MTHFD1L: variants seen among roughly 807,000 people sequenced by gnomAD.
MTHFD1L encodes the protein methylenetetrahydrofolate dehydrogenase (NADP+ dependent) 1 like.
MTHFD1L carries 81 observed loss-of-function variants against 119.5 expected under a neutral mutation model. The observed-to-expected ratio is 0.68, with a 90% CI of 0.57 to 0.82. MTHFD1L has a LOEUF of 0.82. MTHFD1L is among the 40% of genes least tolerant of loss of function. The pLI is 0.00. For missense variants in MTHFD1L, 1,125 were observed against 1,253.4 expected (o/e 0.90, Z 1.55); for synonymous variants, 430 against 475.2 (o/e 0.90, Z 1.24).
At position 150,865,920 on chromosome 6, in the gene MTHFD1L, G is replaced by A. The variant is rs1267504468; in HGVS notation, c.98G>A (p.Ser33Asn). Residue 33 changes from serine to asparagine, a missense_variant, in exon 1 of 28, where the codon AGC (serine) becomes AAC (asparagine). Physicochemically the swap from Ser to Asn is conservative, Grantham distance 46. This residue lies in a region of MTHFD1L where 1,058 missense variants were observed against 1,151.2 expected (regional missense o/e 0.92). Transcript: ENST00000367321. ...CTCCGTGTGCCCTGTCGCGCTAGCA[G>A]CGGCGGCGGCGGAGGCGGCGGCGGT... is the stretch of plus-strand genomic sequence containing the variant. ...RRLRVPCRAS[S>N]GGGGGGGGGR... is the part of the protein sequence containing the mutation. The A allele has an allele frequency of 3.3e-6, 4 of 1,197,832 alleles. No homozygotes were observed. The highest frequency in any genetic ancestry group is 4.1e-6 in the Non-Finnish European group (4 of 968,454). The allele number at this position is 1,197,832 out of a possible 1,614,324, so 74.2% of individuals were successfully genotyped here.
At chr6:150,985,678 A>AAAAG (rs1375522909) in intron 20 of MTHFD1L, among the ~76,000 whole-genome samples, 5 of 151,138 alleles carry the variant, frequency 3.3e-5, no homozygotes, top group East Asian at 3.9e-4. Flanking sequence ...AAAAAAAAAA[A>AAAAG]AAAGAAAGAA....
intron 26 of MTHFD1L, among the ~76,000 whole-genome samples, chr6:151,091,060 TGC>T (rs1794367715): frequency 1.4e-5 from 2 of 145,938 alleles, no homozygotes; most frequent in Admixed American, 6.8e-5. Flanking sequence ...TGCGACTGGG[TGC>T]AGCATCGTTC....
At chr6:150,967,275 C>T (rs960040964) in intron 19 of MTHFD1L, among the ~76,000 whole-genome samples, 1 of 152,206 alleles carries the variant, frequency 6.6e-6, no homozygotes, top group Admixed American at 6.5e-5. Flanking sequence ...CAGAGAAGCT[C>T]AGCAGAGTTT....
intron 11 of MTHFD1L, among the ~76,000 whole-genome samples, chr6:150,928,049 G>A (rs1236685636): frequency 6.6e-6 from 1 of 152,106 alleles, no homozygotes; most frequent in Non-Finnish European, 1.5e-5. Flanking sequence ...ACAACCTTGG[G>A]CATGTGGATT....
At chr6:151,011,581 C>A (rs150789532) in intron 21 of MTHFD1L, among the ~76,000 whole-genome samples, 2 of 152,302 alleles carry the variant, frequency 1.3e-5, no homozygotes, top group Non-Finnish European at 2.9e-5. Context: ...TGTAAAAATT[C>A]TCTACATGGT....
rs1780398331 is a variant in MTHFD1L, at chr6:150,876,128, T to C, written c.266T>C (p.Leu89Ser). 1 of 1,606,204 alleles carries C rather than the reference T, an allele frequency of 6.2e-7. No homozygotes were observed. The change falls in exon 2 of 28, where the codon TTG (leucine) becomes TCG (serine). Residue 89 changes from leucine to serine, a missense_variant. By Grantham distance (145) the Leu-to-Ser change is moderately radical. This residue lies in a region of MTHFD1L where 1,058 missense variants were observed against 1,151.2 expected (regional missense o/e 0.92). Coordinates refer to ENST00000367321, the MANE Select transcript of MTHFD1L (RefSeq NM_015440.5). ...IQNSKEVLSL[L>S]QEKNPAFKPV... is the part of the protein sequence containing the mutation. ...AATTCAAAAGAAGTTCTAAGTTTAT[T>C]GCAAGAAAAAAACCCTGCCTTCAAG...
intron 24 of MTHFD1L, among the ~76,000 whole-genome samples, chr6:151,024,468 G>A (rs563784955): frequency 8.3e-4 from 127 of 152,184 alleles, no homozygotes; most frequent in Non-Finnish European, 1.6e-3. Context: ...GCTTGAGCTT[G>A]GGAGGCAGAG....
intron 20 of MTHFD1L, among the ~76,000 whole-genome samples, chr6:150,988,933 T>C (rs1029972851): frequency 1.3e-5 from 2 of 151,938 alleles, no homozygotes; most frequent in African/African-American, 4.8e-5. Flanking sequence ...AGAGATGGGG[T>C]TTCTCCATGT....
At chr6:150,944,959 T>G (rs186739086) in intron 14 of MTHFD1L, among the ~76,000 whole-genome samples, 2 of 152,364 alleles carry the variant, frequency 1.3e-5, no homozygotes, top group Non-Finnish European at 2.9e-5. Context: ...TTAAGACTAA[T>G]GTTATGTGGA....
intron 1 of MTHFD1L, among the ~76,000 whole-genome samples, chr6:150,870,015 C>T (rs372348809): frequency 1.3e-5 from 2 of 152,192 alleles, no homozygotes; most frequent in African/African-American, 4.8e-5. Context: ...AATGATCCAC[C>T]CGCCTTGGCC....
intron 25 of MTHFD1L, among the ~76,000 whole-genome samples, chr6:151,035,314 T>G (rs1296024462): frequency 6.6e-6 from 1 of 152,118 alleles, no homozygotes; most frequent in African/African-American, 2.4e-5. Flanking sequence ...TTTGGTGTAG[T>G]CGGATAGATA....
At chr6:150,942,049 A>G (rs1455073508) in intron 13 of MTHFD1L, among the ~76,000 whole-genome samples, 4 of 152,126 alleles carry the variant, frequency 2.6e-5, no homozygotes, top group African/African-American at 7.2e-5. Context: ...ACCTGAGGTC[A>G]GGAGTTTGAG....
At chr6:151,022,795 T>G (rs772043740) in intron 24 of MTHFD1L, among the ~76,000 whole-genome samples, 1 of 152,196 alleles carries the variant, frequency 6.6e-6, no homozygotes, top group Non-Finnish European at 1.5e-5. Flanking sequence ...AAGCTGGTCC[T>G]TACATTTTCC....
intron 26 of MTHFD1L, chr6:151,057,295 T>C: frequency 1.0e-6 from 1 of 985,346 alleles, no homozygotes; most frequent in Non-Finnish European, 1.2e-6. Flanking sequence ...AATGGACATA[T>C]GGAAAATTGG....
At chr6:150,995,072 G>A (rs529025218) in intron 20 of MTHFD1L, among the ~76,000 whole-genome samples, 2 of 152,210 alleles carry the variant, frequency 1.3e-5, no homozygotes, top group Admixed American at 1.3e-4. Context: ...CATCTCAAGA[G>A]GAGGGAAAGG....
At chr6:150,967,000 C>T (rs547448887) in intron 19 of MTHFD1L, among the ~76,000 whole-genome samples, 7 of 152,306 alleles carry the variant, frequency 4.6e-5, no homozygotes, top group East Asian at 1.9e-4. Flanking sequence ...CACCCTTCTG[C>T]GGCAGGTTGT....
chr6:150,926,895 A>G lies in MTHFD1L; in HGVS notation c.1256+600A>G, dbSNP rs1182724265. Among the ~76,000 whole-genome samples the G allele has an allele frequency of 6.6e-6, 1 of 152,194 alleles. No individual in the cohort carries two copies. Among genetic ancestry groups the G allele is most frequent in the Non-Finnish European group, 1.5e-5 (1 of 68,038 alleles). On this transcript the variant is annotated intron_variant, in intron 11 of 27. Coordinates refer to ENST00000367321, the MANE Select transcript of MTHFD1L (RefSeq NM_015440.5). The surrounding 1 kb of genome is among the most constrained non-coding windows in gnomAD (Gnocchi z 4.3). ...CCCTTCTTTTTAAAAAAAGAAGTAC[A>G]TTCACTAGCTGAAAAGATGATAGAA...
chr6:150,941,300 G>A (rs556419443), intron 13 of MTHFD1L, among the ~76,000 whole-genome samples: 9 of 152,318 alleles, frequency 5.9e-5, no homozygotes, highest in African/African-American at 1.9e-4. Context: ...GAGTTGGGGG[G>A]GTTGAGGTAG....
At chr6:151,079,369 G>A (rs1386881039) in intron 26 of MTHFD1L, among the ~76,000 whole-genome samples, 2 of 152,098 alleles carry the variant, frequency 1.3e-5, no homozygotes, top group African/African-American at 4.8e-5. Context: ...ACTGAGTGTT[G>A]ACAGTGGCTG....
Sources: allele counts gnomAD v4.1 joint callset (sites outside exome capture counted in the v4.1 genomes callset), GRCh38; gene constraint gnomAD v4.1.1; regional missense constraint gnomAD v4.1.1; non-coding constraint Gnocchi (gnomAD v3.1); transcripts MANE v1.5; gene names NCBI Gene and HGNC (gene_info 2026-07-23, HGNC 2026-07-21).